Variants in PIGN observed in about 807,000 individuals in gnomAD.
PIGN encodes phosphatidylinositol glycan anchor biosynthesis class N, also known as GPI ethanolamine phosphate transferase 1.
Under a neutral mutation model 125.4 loss-of-function variants are expected in PIGN, and 117 were observed. The observed-to-expected ratio is 0.93, with a 90% CI of 0.80 to 1.09. The LOEUF is 1.09. Ranked by LOEUF, PIGN falls within the 50% of genes least tolerant of loss-of-function variation. The pLI, the probability that PIGN is intolerant of heterozygous loss-of-function variation, is 0.00. For missense variants in PIGN, 1,075 were observed against 1,094.9 expected (o/e 0.98, Z 0.26); for synonymous variants, 392 against 377.8 (o/e 1.04, Z -0.44).
At chr18:62,166,265 C>T (rs1324547501) in intron 1 of PIGN, among the ~76,000 whole-genome samples, 12 of 152,274 alleles carry the variant, frequency 7.9e-5, no homozygotes, top group Middle Eastern at 3.4e-3. Context: ...TTGGCTCTAC[C>T]CTGCAGCAGG....
chr18:62,096,361 G>A (rs1977588568), intron 22 of PIGN, among the ~76,000 whole-genome samples: 1 of 151,588 alleles, frequency 6.6e-6, no homozygotes, highest in South Asian at 2.1e-4. Context: ...ATTGTTTTGT[G>A]ACCTTGAACA....
At chr18:62,155,845 C>CA (rs1380243821) in intron 6 of PIGN, among the ~76,000 whole-genome samples, 7 of 151,928 alleles carry the variant, frequency 4.6e-5, no homozygotes, top group East Asian at 3.9e-4. Context: ...CACCAGCTCC[C>CA]AAAAAAACGA....
chr18:62,107,369 C>T (rs531152376), intron 17 of PIGN: 47 of 310,344 alleles, frequency 1.5e-4, no homozygotes, highest in Admixed American at 8.6e-4. Context: ...CTGAAGAGGG[C>T]GGATCACCTG....
chr18:62,024,110 T>C lies in PIGN; in HGVS notation c.2143-6369A>G, dbSNP rs558554368. 8.5e-5 allele frequency among the ~76,000 whole-genome samples: 13 copies of C among 152,360 alleles called. No individual in the cohort carries two copies. In the South Asian group the frequency reaches 1.0e-3, roughly 12 times the overall value. On this transcript the variant is annotated intron_variant, in intron 23 of 24. Transcript: ENST00000639600. ...ATTAGGATACAAAGAGTTTGGCATC[T>C]AGGTAACTAGAAACCACTTGAATAG...
chr18:62,167,236 A>C (rs73446792), intron 1 of PIGN, among the ~76,000 whole-genome samples: 6,848 of 133,056 alleles, frequency 0.051, 159 homozygotes, highest in Middle Eastern at 0.097. Context: ...ATCTCTCTCT[A>C]TATATATATA....
chr18:62,037,846 A>G (rs950179005), downstream of PIGN, among the ~76,000 whole-genome samples: 1 of 152,182 alleles, frequency 6.6e-6, no homozygotes, highest in African/African-American at 2.4e-5. Context: ...CTGGCCTAGC[A>G]CTAGTGGTTG....
intron 1 of PIGN, among the ~76,000 whole-genome samples, chr18:62,165,021 G>A (rs2037081612): frequency 6.6e-6 from 1 of 152,164 alleles, no homozygotes; most frequent in South Asian, 2.1e-4. Flanking sequence ...TTGTGGCTGT[G>A]ATGGGAGGTG....
intron 14 of PIGN, among the ~76,000 whole-genome samples, chr18:62,120,921 C>T (rs992524624): frequency 6.6e-6 from 1 of 151,792 alleles, no homozygotes; most frequent in Admixed American, 6.6e-5. Flanking sequence ...GATAAAAAAA[C>T]AAACAACAAA....
intron 30 of PIGN, chr18:62,059,260 G>C (rs2031965279): frequency 6.6e-6 from 1 of 150,392 alleles, no homozygotes; most frequent in African/African-American, 2.4e-5. Flanking sequence ...GATGAGATGA[G>C]TGAAGGAGTA....
intron 1 of PIGN, among the ~76,000 whole-genome samples, chr18:62,179,553 G>T (rs1009618423): frequency 2.6e-5 from 4 of 152,110 alleles, no homozygotes; most frequent in African/African-American, 4.8e-5. Context: ...AGACCAGCCT[G>T]GGCAATGTGG....
rs2037708093 is a variant in PIGN at position 62,181,311 on chromosome 18, T to C, written c.-236+5533A>G. On this transcript the variant is annotated intron_variant, in intron 1 of 30. Coordinates refer to ENST00000640252, the MANE Select transcript of PIGN (RefSeq NM_176787.5). Reference sequence around the variant, plus strand: ...ATTAATAAAAAAAATTTTAAACATCTATTGCCCTTTTCTCCCCAACACAGT... The same window carrying C: ...ATTAATAAAAAAAATTTTAAACATCCATTGCCCTTTTCTCCCCAACACAGT... 3.3e-5 allele frequency among the ~76,000 whole-genome samples: 5 copies of C among 152,314 alleles called. No individual in the cohort carries two copies. In the South Asian group the frequency reaches 1.0e-3, roughly 32 times the overall value.
At chr18:62,084,480 A>G (rs1415727958) in intron 27 of PIGN, 51 bp downstream of exon 27, 1 of 1,149,330 alleles carries the variant, frequency 8.7e-7, no homozygotes, top group African/African-American at 1.6e-5. Flanking sequence ...ATGACTTTAT[A>G]ATCTTAATCA....
rs115940759 is a variant in PIGN at position 62,027,856 on chromosome 18, G to A, written c.2143-10115C>T. ...TGGGAGGTCAAGGCAGCAGTGAGCC[G>A]TGATCACGCCACTGCACTTCAGCCT... On this transcript the variant is annotated intron_variant, in intron 23 of 24. Coordinates refer to the PIGN transcript ENST00000639600. Among the ~76,000 whole-genome samples, 762 of 151,960 alleles carry A rather than the reference G, an allele frequency of 5.0e-3. 9 individuals are homozygous for A. The highest frequency in any genetic ancestry group is 0.018 in the African/African-American group (730 of 41,434).
intron 14 of PIGN, among the ~76,000 whole-genome samples, chr18:62,125,080 T>A (rs1310850878): frequency 1.3e-5 from 2 of 151,116 alleles, no homozygotes; most frequent in East Asian, 2.0e-4. Context: ...ATATACATGT[T>A]TGTACATACA....
chr18:62,113,046 G>T, intron 16 of PIGN, 88 bp downstream of exon 16: 2 of 951,136 alleles, frequency 2.1e-6, no homozygotes, highest in South Asian at 1.8e-5. Flanking sequence ...TTAGAACAAT[G>T]ACTTGCACAT....
chr18:62,050,313 T>C (rs2031165179), intron 30 of PIGN, among the ~76,000 whole-genome samples: 1 of 151,864 alleles, frequency 6.6e-6, no homozygotes, highest in Non-Finnish European at 1.5e-5. Flanking sequence ...TTCACGATAT[T>C]GATTCTTCCT....
At chr18:62,033,318 T>G (rs2030217867) in intron 23 of PIGN, among the ~76,000 whole-genome samples, 1 of 152,158 alleles carries the variant, frequency 6.6e-6, no homozygotes, top group Admixed American at 6.5e-5. Context: ...TTTGTAAAGT[T>G]GGATTGAGAG....
chr18:62,130,899 C>A (rs1157972682), intron 14 of PIGN, among the ~76,000 whole-genome samples: 3 of 152,116 alleles, frequency 2.0e-5, no homozygotes, highest in African/African-American at 4.8e-5. Context: ...GAATAATTTT[C>A]ATTCCTTTAG....
chr18:62,143,443 G>T (rs2036208853), intron 10 of PIGN, 97 bp from the exon 11 acceptor site: 1 of 738,928 alleles, frequency 1.4e-6, no homozygotes, highest in Non-Finnish European at 2.4e-6. Flanking sequence ...GGAAAACATA[G>T]GTGTTAGAAA....
Sources: gnomAD v4.1 joint callset for allele counts (sites outside exome capture counted in the v4.1 genomes callset) on GRCh38, gnomAD v4.1.1 for gene constraint, MANE v1.5 for transcripts, NCBI Gene and HGNC (gene_info 2026-07-23, HGNC 2026-07-21) for gene names.